SMARCC2: variants seen among roughly 807,000 people sequenced by gnomAD.
The protein encoded by SMARCC2 is SWI/SNF complex subunit SMARCC2.
Under a neutral mutation model 151.3 loss-of-function variants are expected in SMARCC2, and 15 were observed. The ratio of observed to expected loss-of-function variants is 0.10; its 90% CI spans 0.07 to 0.15. The LOEUF is 0.15. SMARCC2 is among the 10% of genes least tolerant of loss of function. The pLI is 1.00. For missense variants in SMARCC2, 1,031 were observed against 1,599.7 expected, an observed-to-expected ratio of 0.64 and a Z score of 6.06; for synonymous variants, 590 against 609.5, an observed-to-expected ratio of 0.97 and a Z score of 0.47.
chr12:56,166,089 G>T (rs1235570503), intron 26 of SMARCC2, among the ~76,000 whole-genome samples: 1 of 152,168 alleles, frequency 6.6e-6, no homozygotes, highest in Non-Finnish European at 1.5e-5. Context: ...CAATTCATTT[G>T]CCTCTGAGCT....
At position 56,162,687 on chromosome 12, in the gene SMARCC2, G is replaced by A. The variant is rs1420320953; in HGVS notation, c.*1002C>T. The A allele has an allele frequency of 4.6e-6, 1 of 215,194 alleles. No individual in the cohort carries two copies. Among genetic ancestry groups the A allele is most frequent in the East Asian group, 1.0e-4 (1 of 9,790 alleles). 13.3% of individuals were successfully genotyped at this position (215,194 alleles called of 1,614,324 possible). A position where few individuals can be genotyped will look rare whatever the true frequency, so the allele number is the denominator to read the frequency against. ...TCCCAAATCCCTGCATCCTCATCTG[G>A]GGAGCCCCCAGCTATCAGCTGAAGT... is the stretch of plus-strand genomic sequence containing the variant. On this transcript the variant is annotated 3_prime_UTR_variant, in exon 29 of 29. Transcript: ENST00000550164.
At chr12:56,177,117 G>C (rs1183782914) in intron 15 of SMARCC2, among the ~76,000 whole-genome samples, 1 of 151,258 alleles carries the variant, frequency 6.6e-6, no homozygotes, top group Non-Finnish European at 1.5e-5. Flanking sequence ...CACCGCGCCT[G>C]GTCTTTTTAG....
chr12:56,171,349 T>A lies in SMARCC2; in HGVS notation c.2269A>T (p.Thr757Ser). The A allele has an allele frequency of 6.2e-7, 1 of 1,614,214 alleles. No individual in the cohort carries two copies. Among genetic ancestry groups the A allele is most frequent in the South Asian group, 1.1e-5 (1 of 91,090 alleles). ...CCGAAGGCAGGGTCCGCCTTGCCTG[T>A]TACTTTGGCTGCTTCTTCCACTTTT... ...VRKVEEAAKV[T>S]GKADPAFGLE... Residue 757 changes from threonine to serine, a missense_variant, in exon 22 of 29, where the codon ACA becomes TCA. Physicochemically the swap from Thr to Ser is moderately conservative, Grantham distance 58. This residue lies in a region of SMARCC2 where 119 missense variants were observed against 184.2 expected (regional missense o/e 0.65). Transcript: ENST00000550164. The surrounding 1 kb of genome is among the most constrained non-coding windows in gnomAD (Gnocchi z 4.2).
chr12:56,185,165 G>T (rs1296708135), intron 3 of SMARCC2, 54 bp from the exon 4 acceptor site: 1 of 1,402,142 alleles, frequency 7.1e-7, no homozygotes, highest in South Asian at 1.2e-5. Flanking sequence ...TGCAGATGAG[G>T]TGAGGGCACG....
At chr12:56,185,142 T>A (rs1192900643) in intron 3 of SMARCC2, 31 bp from the exon 4 acceptor site, 2 of 1,582,590 alleles carry the variant, frequency 1.3e-6, no homozygotes, top group Admixed American at 1.7e-5. Context: ...TAGTGAGTGG[T>A]ATAGCTCAGG....
At position 56,171,776 on chromosome 12, in the gene SMARCC2, G is replaced by A; in HGVS notation, c.2088C>T (p.Pro696=). 6.2e-7 allele frequency: 1 copy of A among 1,613,404 alleles called. No individual in the cohort carries two copies. The highest frequency in any genetic ancestry group is 8.5e-7 in the Non-Finnish European group (1 of 1,179,620). The part of the protein sequence containing the change: ...SLGPLAYQPI[P]FSQSGNPVMS... ...TAACAGGGTTGCCCGACTGACTGAAGGGGATGGGTTGGTAGGCCAGGGGGC... is the reference window on the plus strand; with the variant it reads ...TAACAGGGTTGCCCGACTGACTGAAAGGGATGGGTTGGTAGGCCAGGGGGC... The change falls in exon 21 of 29, where the codon CCC becomes CCT. Residue 696 remains proline (P), a synonymous_variant. Coordinates refer to ENST00000550164, the MANE Select transcript of SMARCC2 (RefSeq NM_001330288.2). The surrounding 1 kb of genome is among the most constrained non-coding windows in gnomAD (Gnocchi z 4.2).
chr12:56,169,955 G>A, intron 23 of SMARCC2, 44 bp from the exon 24 acceptor site: 7 of 1,585,494 alleles, frequency 4.4e-6, no homozygotes, highest in Non-Finnish European at 6.1e-6. Context: ...AGGGATTAGG[G>A]TGATTAGTTC....
rs757436884 is a variant in SMARCC2 at position 56,186,964 on chromosome 12, T to C, written c.231+223A>G. ...GAGAGACCTGTGGACTGATCCCAGG[T>C]ACTCTGAAATAATTTGTTGCACAAA... is the stretch of plus-strand genomic sequence containing the variant. On this transcript the variant is annotated intron_variant, in intron 2 of 28. Coordinates refer to ENST00000550164, the MANE Select transcript of SMARCC2 (RefSeq NM_001330288.2). The C allele has an allele frequency of 2.9e-4, 125 of 437,520 alleles. No homozygotes were observed. The Middle Eastern group carries it at 3.8e-3, about 13-fold the overall frequency. The allele number at this position is 437,520 out of a possible 1,614,324, so 27.1% of individuals were successfully genotyped here. A position where few individuals can be genotyped will look rare whatever the true frequency, so the allele number is the denominator to read the frequency against.
chr12:56,171,150 C>G lies in SMARCC2; in HGVS notation c.2347+121G>C, dbSNP rs1238463635. Reference sequence around the variant, plus strand: ...GTAAACTCATGGGGAAAATAAAAACCCTACCAATGTTCTCATTCATGTTGT... The same window carrying G: ...GTAAACTCATGGGGAAAATAAAAACGCTACCAATGTTCTCATTCATGTTGT... On this transcript the variant is annotated intron_variant, in intron 22 of 28. Coordinates refer to ENST00000550164, the MANE Select transcript of SMARCC2 (RefSeq NM_001330288.2). The surrounding 1 kb of genome is among the most constrained non-coding windows in gnomAD (Gnocchi z 4.2). 1 of 920,282 alleles carries G rather than the reference C, an allele frequency of 1.1e-6. No individual in the cohort carries two copies. Among genetic ancestry groups the G allele is most frequent in the African/African-American group, 1.7e-5 (1 of 60,126 alleles). 57.0% of individuals were successfully genotyped at this position (920,282 alleles called of 1,614,324 possible).
intron 19 of SMARCC2, 37 bp from the exon 20 acceptor site, chr12:56,172,527 C>A: frequency 4.3e-6 from 7 of 1,610,966 alleles, no homozygotes; most frequent in South Asian, 1.1e-5. Flanking sequence ...AAGAAAGGAG[C>A]CTGTGACCTC....
In SMARCC2 at chr12:56,171,405, A is replaced by G; in HGVS notation, c.2213T>C (p.Val738Ala). The change falls in exon 22 of 29, where the codon GTA (valine) becomes GCA (alanine). Residue 738 changes from valine (V) to alanine (A), a missense_variant. Physicochemically the swap from Val to Ala is moderately conservative, Grantham distance 64. Around this residue, in one of 12 missense-constraint regions of SMARCC2, gnomAD observed 119 missense variants for 184.2 expected, o/e 0.65. Coordinates refer to ENST00000550164, the MANE Select transcript of SMARCC2 (RefSeq NM_001330288.2). This position sits in a 1 kb window ranked among gnomAD's most constrained non-coding sequence, Gnocchi z 4.2. The part of the protein sequence containing the change: ...LEEFSKMKEE[V>A]PTALVEAHVR... ...ATGGGCCTCCACCAAGGCCGTGGGT[A>G]CCTCTTCCTTCATTTTGGAGAACTC... 6.2e-7 allele frequency: 1 copy of G among 1,614,188 alleles called. No homozygotes were observed. The highest frequency in any genetic ancestry group is 8.5e-7 in the Non-Finnish European group (1 of 1,180,046).
At chr12:56,175,067 A>C (rs775004295) in intron 15 of SMARCC2, among the ~76,000 whole-genome samples, 6 of 152,144 alleles carry the variant, frequency 3.9e-5, no homozygotes, top group Non-Finnish European at 7.4e-5. Flanking sequence ...GCTGGAATGC[A>C]ATGGCATGAT....
Position 56,162,555 on chromosome 12 carries a change from C to A in SMARCC2, c.*1134G>T. On this transcript the variant is annotated 3_prime_UTR_variant, in exon 29 of 29. Coordinates refer to ENST00000550164, the MANE Select transcript of SMARCC2 (RefSeq NM_001330288.2). ...GAGCCTGGAGTCACACCTGCCTTCC[C>A]GTCACAGGGGAGAAGCTGGGACACG... 4.1e-6 allele frequency: 2 copies of A among 485,996 alleles called. No homozygotes were observed. Among genetic ancestry groups the A allele is most frequent in the Non-Finnish European group, 3.6e-6 (1 of 276,164 alleles). The allele number at this position is 485,996 out of a possible 1,614,324, so 30.1% of individuals were successfully genotyped here.
In SMARCC2 at chr12:56,173,881, C is replaced by T. The variant is rs140796117; in HGVS notation, c.1497-32G>A. Reference sequence around the variant, plus strand: ...AGAGAGAGGCAGAGACAGGGTCACACGGATAGCCAGAAAGGTGCACGAGGA... The same window carrying T: ...AGAGAGAGGCAGAGACAGGGTCACATGGATAGCCAGAAAGGTGCACGAGGA... On this transcript the variant is annotated intron_variant, in intron 16 of 28. Transcript: ENST00000550164. The T allele has an allele frequency of 2.1e-4, 337 of 1,589,974 alleles. No individual in the cohort carries two copies. The African/African-American group carries it at 3.2e-3, about 15-fold the overall frequency.
chr12:56,176,501 G>A (rs898619509), intron 15 of SMARCC2, among the ~76,000 whole-genome samples: 8 of 152,076 alleles, frequency 5.3e-5, no homozygotes, highest in Non-Finnish European at 8.8e-5. Flanking sequence ...TTCTTGAGAC[G>A]GAGTCTTGCT....
intron 15 of SMARCC2, among the ~76,000 whole-genome samples, chr12:56,176,017 C>G (rs1874892430): frequency 6.6e-6 from 1 of 152,128 alleles, no homozygotes; most frequent in South Asian, 2.1e-4. Flanking sequence ...TGCCTCCACA[C>G]CCAGCTAATT....
At position 56,181,002 on chromosome 12, in the gene SMARCC2, T is replaced by C. The variant is rs780356450; in HGVS notation, c.1056A>G (p.Val352=). 1.0e-4 allele frequency: 162 copies of C among 1,613,652 alleles called. No homozygotes were observed. The highest frequency in any genetic ancestry group is 1.6e-4 in the Middle Eastern group (1 of 6,078). The change falls in exon 11 of 29, where the codon GTA becomes GTG. Residue 352 remains valine (V), a synonymous_variant. Coordinates refer to ENST00000550164, the MANE Select transcript of SMARCC2 (RefSeq NM_001330288.2). ...CTGTTTTGGGAAGTGTCACCTCTTC[T>C]ACATTGGGGACTGGTGAGGGCTCGT... ...DMDEPSPVPN[V]EEVTLPKTVN... is the part of the protein sequence containing the mutation.
chr12:56,171,788 G>A lies in SMARCC2; in HGVS notation c.2076C>T (p.Tyr692=), dbSNP rs751889770. 4.3e-6 allele frequency: 7 copies of A among 1,613,574 alleles called. No individual in the cohort carries two copies. The highest frequency in any genetic ancestry group is 5.9e-6 in the Non-Finnish European group (7 of 1,179,750). ...DSEASLGPLA[Y]QPIPFSQSGN... ...CCGACTGACTGAAGGGGATGGGTTG[G>A]TAGGCCAGGGGGCCTAGGGAGGCCT... is the stretch of plus-strand genomic sequence containing the variant. Residue 692 remains tyrosine (Y), a synonymous_variant, in exon 21 of 29, where the codon TAC becomes TAT. Transcript: ENST00000550164. This position sits in a 1 kb window ranked among gnomAD's most constrained non-coding sequence, Gnocchi z 4.2.
At chr12:56,168,686 TAA>T (rs1873325116) in intron 25 of SMARCC2, among the ~76,000 whole-genome samples, 1 of 152,096 alleles carries the variant, frequency 6.6e-6, no homozygotes, top group East Asian at 1.9e-4. Flanking sequence ...TTTAAAAAAT[TAA>T]ATTATTTTGG....
Sources: allele counts gnomAD v4.1 joint callset (sites outside exome capture counted in the v4.1 genomes callset), GRCh38; gene constraint gnomAD v4.1.1; regional missense constraint gnomAD v4.1.1; non-coding constraint Gnocchi (gnomAD v3.1); transcripts MANE v1.5; gene names NCBI Gene and HGNC (gene_info 2026-07-23, HGNC 2026-07-21).